TRPA1: variants seen among roughly 807,000 people sequenced by gnomAD.
TRPA1 encodes the protein transient receptor potential cation channel subfamily A member 1.
Under a neutral mutation model 131.3 loss-of-function variants are expected in TRPA1, and 129 were observed. The observed-to-expected ratio is 0.98, with a 90% confidence interval of 0.85 to 1.14. TRPA1 has a LOEUF of 1.14. Among genes scored for constraint, TRPA1 ranks in the 50% most tolerant of loss-of-function variants. The pLI, the probability that TRPA1 is intolerant of heterozygous loss-of-function variation, is 0.00. For synonymous variants in TRPA1, 441 were observed against 451.7 expected (o/e 0.98, Z 0.30); for missense variants, 1,304 against 1,354.2 (o/e 0.96, Z 0.58).
In TRPA1 at chr8:72,055,964, C is replaced by A. The variant is rs918992283; in HGVS notation, c.1195-109G>T. 6 of 932,676 alleles carry A rather than the reference C, an allele frequency of 6.4e-6. No individual in the cohort carries two copies. In the Middle Eastern group the frequency reaches 7.6e-4, roughly 118 times the overall value. The allele number at this position is 932,676 out of a possible 1,614,324, so 57.8% of individuals were successfully genotyped here. ...TTTCCAACAAGGGTCAATATGTATTCCTTGGGGCCAAAATTGTAAATAACC... is the reference window on the plus strand; with the variant it reads ...TTTCCAACAAGGGTCAATATGTATTACTTGGGGCCAAAATTGTAAATAACC... On this transcript the variant is annotated intron_variant, in intron 10 of 26. Transcript: ENST00000262209.
Position 72,059,413 on chromosome 8 carries a change from G to A in TRPA1, c.970C>T (p.Leu324=), listed in dbSNP as rs1805752847. ...HRASLFDHHE[L]ADYLISVGAD... The stretch of plus-strand genomic sequence containing the variant: ...ACCACTGAAATTAAATAGTCTGCTA[G>A]CTCATGGTGATCAAACAATGAAGCT... Residue 324 remains leucine (L), a synonymous_variant, in exon 8 of 27, where the codon CTA becomes TTA. Transcript: ENST00000262209. The A allele has an allele frequency of 3.2e-6, 5 of 1,584,812 alleles. No homozygotes were observed. The highest frequency in any genetic ancestry group is 4.3e-6 in the Non-Finnish European group (5 of 1,158,960).
In TRPA1 at chr8:72,038,190, G is replaced by C. The variant is rs909126899; in HGVS notation, c.2296-118C>G. The stretch of plus-strand genomic sequence containing the variant: ...TTTTTTTGCTTAATTTCTATATACT[G>C]TCCACTTTGAGTTAAACAGAAAATT... On this transcript the variant is annotated intron_variant, in intron 19 of 26. Transcript: ENST00000262209. The C allele has an allele frequency of 4.4e-5, 26 of 586,508 alleles. No individual in the cohort carries two copies. In the Admixed American group the frequency reaches 5.0e-4, roughly 11 times the overall value. The allele number at this position is 586,508 out of a possible 1,614,324, so 36.3% of individuals were successfully genotyped here.
the TRPA1 span, among the ~76,000 whole-genome samples, chr8:72,089,664 A>G: frequency 1.3e-5 from 2 of 152,120 alleles, no homozygotes; most frequent in African/African-American, 4.8e-5. Context: ...AGTGAATTCT[A>G]GACAACCACA....
In TRPA1 at chr8:72,034,307, C is replaced by A. The variant is rs1239817574; in HGVS notation, c.2626G>T (p.Val876Leu). 2.5e-6 allele frequency: 4 copies of A among 1,601,238 alleles called. No homozygotes were observed. The highest frequency in any genetic ancestry group is 3.4e-6 in the Non-Finnish European group (4 of 1,172,268). ...AAAGCCAGAAGAAGGAAGATAAATA[C>A]AACTGTAGACCTCAACAAAGTTTTC... ...ILKTLLRSTVVFIFLLLAFGL... is the reference protein window; with the variant it reads ...ILKTLLRSTVLFIFLLLAFGL... The change falls in exon 22 of 27, where the codon GTA (valine) becomes TTA (leucine). Residue 876 changes from valine (V) to leucine (L), a missense_variant. Val to Leu is a conservative substitution (Grantham distance 32, BLOSUM62 1). Transcript: ENST00000262209.
intron 22 of TRPA1, 96 bp downstream of exon 22, chr8:72,034,152 G>T: frequency 2.4e-6 from 3 of 1,251,856 alleles, no homozygotes; most frequent in Non-Finnish European, 3.3e-6. Context: ...CTGTTGTTAT[G>T]TAATTATGCA....
chr8:72,065,370 A>G (rs1248835199), intron 4 of TRPA1, 81 bp downstream of exon 4: 1 of 1,259,300 alleles, frequency 7.9e-7, no homozygotes, highest in Non-Finnish European at 1.1e-6. Flanking sequence ...GAAAAACTTA[A>G]GAGATTTTGT....
intron 3 of TRPA1, among the ~76,000 whole-genome samples, chr8:72,068,298 T>A (rs1336849522): frequency 3.3e-5 from 5 of 152,236 alleles, no homozygotes; most frequent in African/African-American, 9.6e-5. Context: ...ATTGCATTCT[T>A]CATCCTTTAG....
intron 26 of TRPA1, chr8:72,023,409 T>TA (rs934793280): frequency 1.6e-5 from 8 of 489,308 alleles, no homozygotes; most frequent in African/African-American, 1.6e-4. Flanking sequence ...ATTACGTACC[T>TA]AGTTGAATAG....
intron 24 of TRPA1, among the ~76,000 whole-genome samples, chr8:72,028,650 A>C (rs1811692458): frequency 6.6e-6 from 1 of 152,218 alleles, no homozygotes; most frequent in African/African-American, 2.4e-5. Context: ...AATGGTTCTC[A>C]GTTGATTTTT....
intron 17 of TRPA1, among the ~76,000 whole-genome samples, chr8:72,041,633 A>T (rs1177340383): frequency 6.6e-6 from 1 of 151,964 alleles, no homozygotes; most frequent in African/African-American, 2.4e-5. Context: ...AGACAAAATA[A>T]AACAGAAATT....
At chr8:72,086,147 C>T in the TRPA1 span, among the ~76,000 whole-genome samples, 8 of 152,150 alleles carry the variant, frequency 5.3e-5, no homozygotes, top group Middle Eastern at 3.4e-3. Context: ...GTGATCCACC[C>T]GCCTCAGCCT....
chr8:72,038,154 C>CTT (rs1563386864), intron 19 of TRPA1, 82 bp from the exon 20 acceptor site: 4 of 762,382 alleles, frequency 5.2e-6, no homozygotes, highest in Non-Finnish European at 4.3e-6. Context: ...TATTAAATTT[C>CTT]TTTTTTCTTT....
chr8:72,026,129 A>T, intron 24 of TRPA1, 56 bp from the exon 25 acceptor site: 1 of 1,318,834 alleles, frequency 7.6e-7, no homozygotes, highest in Non-Finnish European at 1.1e-6. Flanking sequence ...TGGAATTTTT[A>T]TATGGCACAG....
At chr8:72,038,394 G>T (rs73687840) in intron 19 of TRPA1, among the ~76,000 whole-genome samples, 2,919 of 152,022 alleles carry the variant, frequency 0.019, 78 homozygotes, top group East Asian at 0.082. Flanking sequence ...CATTTTAAAA[G>T]TTACATTTTA....
chr8:72,025,614 T>A (rs538885970), intron 25 of TRPA1, among the ~76,000 whole-genome samples: 1 of 152,304 alleles, frequency 6.6e-6, no homozygotes, highest in East Asian at 1.9e-4. Flanking sequence ...CACATAAATG[T>A]AAGTGACATG....
chr8:72,042,088 C>A (rs1812272197), intron 17 of TRPA1, among the ~76,000 whole-genome samples: 1 of 151,706 alleles, frequency 6.6e-6, no homozygotes. Flanking sequence ...TCAAAGGAAG[C>A]AATGACCAAA....
rs1226116367 is a variant in TRPA1, at chr8:72,057,020, A to T, written c.1094-3T>A. On this transcript the variant is annotated splice_region_variant and splice_polypyrimidine_tract_variant and intron_variant, in intron 9 of 26. Transcript: ENST00000262209. Reference sequence around the variant, plus strand: ...ATCTTTTATGTCTACTTGGGCACCTAAAAAAAAACACTATGTAAATATAAA... The same window carrying T: ...ATCTTTTATGTCTACTTGGGCACCTTAAAAAAAACACTATGTAAATATAAA... The T allele has an allele frequency of 6.5e-7, 1 of 1,527,796 alleles. No individual in the cohort carries two copies. The highest frequency in any genetic ancestry group is 1.2e-5 in the South Asian group (1 of 84,878). The allele number at this position is 1,527,796 out of a possible 1,614,324, so 94.6% of individuals were successfully genotyped here.
At position 72,023,885 on chromosome 8, in the gene TRPA1, A is replaced by C. The variant is rs370834595; in HGVS notation, c.3078T>G (p.Thr1026=). ...LFHIFCFLFC[T]GEIRQEIPNA... ...TTGGTATTTCTTGTCTTATTTCCCC[A>C]GTGCAAAATAAAAAACAGAATATAT... The change falls in exon 26 of 27, where the codon ACT becomes ACG. Residue 1026 remains threonine, a synonymous_variant. Transcript: ENST00000262209. 16 of 1,594,362 alleles carry C rather than the reference A, an allele frequency of 1.0e-5. No homozygotes were observed. The highest frequency in any genetic ancestry group is 1.4e-5 in the Non-Finnish European group (16 of 1,162,682).
Position 72,022,918 on chromosome 8 carries a change from A to G in TRPA1, c.3348T>C (p.His1116=). Residue 1116 remains histidine (H), a synonymous_variant, in exon 27 of 27, where the codon CAT becomes CAC. Coordinates refer to ENST00000262209, the MANE Select transcript of TRPA1 (RefSeq NM_007332.3). ...AAGGTCTGAGGAGCTAAGGCTCAAGATGGTGTGTTTTTGCCTTGACTGCTC... is the reference window on the plus strand; with the variant it reads ...AAGGTCTGAGGAGCTAAGGCTCAAGGTGGTGTGTTTTTGCCTTGACTGCTC... ...VLRAVKAKTH[H]LEP 1 of 1,613,666 alleles carries G rather than the reference A, an allele frequency of 6.2e-7. No homozygotes were observed. Among genetic ancestry groups the G allele is most frequent in the Non-Finnish European group, 8.5e-7 (1 of 1,179,762 alleles).
Sources: gnomAD v4.1 joint callset for allele counts (sites outside exome capture counted in the v4.1 genomes callset) on GRCh38, gnomAD v4.1.1 for gene constraint, MANE v1.5 for transcripts, NCBI Gene and HGNC (gene_info 2026-07-23, HGNC 2026-07-21) for gene names.